The following RBFOX1 variants were observed in gnomAD, a reference collection of about 807,000 sequenced individuals.
The protein encoded by RBFOX1 is RNA binding fox-1 homolog 1.
RBFOX1 carries 8 observed loss-of-function variants against 57.7 expected under a neutral mutation model. The observed-to-expected ratio is 0.14, with a 90% CI of 0.08 to 0.25. RBFOX1 has a LOEUF of 0.25. Among genes scored for constraint, RBFOX1 ranks in the 10% least tolerant of loss-of-function variants. The pLI is 1.00. For missense variants in RBFOX1, 611 were observed against 548.5 expected (o/e 1.11, Z -1.14); for synonymous variants, 326 against 222.4 (o/e 1.47, Z -4.15).
chr16:6,010,963 T>G (rs760311868), intron 4 of RBFOX1, among the ~76,000 whole-genome samples: 5 of 152,202 alleles, frequency 3.3e-5, no homozygotes, highest in Non-Finnish European at 5.9e-5. Context: ...TTTACAGGTA[T>G]TTTACTTCTT....
chr16:6,869,803 C>G (rs137948295), intron 3 of RBFOX1, among the ~76,000 whole-genome samples: 53 of 152,190 alleles, frequency 3.5e-4, no homozygotes, highest in African/African-American at 1.2e-3. Flanking sequence ...TTACTTAATT[C>G]TGGTTGGTTT....
At chr16:7,703,741 C>G (rs551107769) in intron 14 of RBFOX1, among the ~76,000 whole-genome samples, 7 of 152,292 alleles carry the variant, frequency 4.6e-5, no homozygotes, top group African/African-American at 1.4e-4. Flanking sequence ...TATTCCCATT[C>G]AAGAGGCTGC....
chr16:6,156,021 G>T (rs140158051), intron 1 of RBFOX1, among the ~76,000 whole-genome samples: 1 of 152,246 alleles, frequency 6.6e-6, no homozygotes, highest in African/African-American at 2.4e-5. Flanking sequence ...TTATAAAGTA[G>T]GAGACTGGGG....
At chr16:7,085,760 C>G (rs929612276) in intron 4 of RBFOX1, among the ~76,000 whole-genome samples, 1 of 152,132 alleles carries the variant, frequency 6.6e-6, no homozygotes, top group Non-Finnish European at 1.5e-5. Flanking sequence ...TTTTTCTTCA[C>G]TGTAATGACA....
At chr16:6,581,678 G>T (rs528943229) in intron 2 of RBFOX1, among the ~76,000 whole-genome samples, 53 of 152,298 alleles carry the variant, frequency 3.5e-4, no homozygotes, top group Non-Finnish European at 6.6e-4. Context: ...TGCTAAGGGG[G>T]CCTCCCTCAT....
At chr16:7,075,990 C>A (rs1365941792) in intron 4 of RBFOX1, among the ~76,000 whole-genome samples, 1 of 151,998 alleles carries the variant, frequency 6.6e-6, no homozygotes, top group Non-Finnish European at 1.5e-5. Context: ...CTATTAGTCC[C>A]CTAAACTGAC....
At chr16:5,796,718 A>T (rs2054891591) in intron 3 of RBFOX1, among the ~76,000 whole-genome samples, 1 of 152,194 alleles carries the variant, frequency 6.6e-6, no homozygotes, top group African/African-American at 2.4e-5. Flanking sequence ...CAGAGAGGAC[A>T]AGTAATTTGC....
At position 7,636,346 on chromosome 16, in the gene RBFOX1, G is replaced by A. The variant is rs77178965; in HGVS notation, c.757+5663G>A. 6.5e-3 allele frequency among the ~76,000 whole-genome samples: 983 copies of A among 152,210 alleles called. 5 individuals are homozygous for A. The highest frequency in any genetic ancestry group is 0.013 in the African/African-American group (551 of 41,522). On this transcript the variant is annotated intron_variant, in intron 11 of 15. Transcript: ENST00000550418. ...TGCCTTTCTCCTATTAATGATCACC[G>A]TCTTTCACATTTTTCATTTAGACTT...
chr16:5,388,080 T>C (rs1306171560), intron 1 of RBFOX1, among the ~76,000 whole-genome samples: 1 of 152,238 alleles, frequency 6.6e-6, no homozygotes, highest in Non-Finnish European at 1.5e-5. Flanking sequence ...ACAACCCTCC[T>C]GACACCTTGA....
chr16:6,145,855 T>G (rs990726999), intron 1 of RBFOX1, among the ~76,000 whole-genome samples: 3 of 152,208 alleles, frequency 2.0e-5, no homozygotes, highest in African/African-American at 7.2e-5. Context: ...GTTGCTTTTC[T>G]TGTATGTGGC....
chr16:6,133,214 G>C (rs1344294927), intron 1 of RBFOX1, among the ~76,000 whole-genome samples: 1 of 152,094 alleles, frequency 6.6e-6, no homozygotes, highest in Admixed American at 6.5e-5. Context: ...GCTACATCTA[G>C]CATCTCCTGT....
chr16:5,955,903 A>C (rs2059629161), intron 4 of RBFOX1, among the ~76,000 whole-genome samples: 1 of 152,194 alleles, frequency 6.6e-6, no homozygotes, highest in Non-Finnish European at 1.5e-5. Context: ...CAAATAGCAA[A>C]CACTTAAAAA....
At chr16:5,418,178 A>C (rs1432280246) in intron 1 of RBFOX1, among the ~76,000 whole-genome samples, 1 of 152,252 alleles carries the variant, frequency 6.6e-6, no homozygotes. Flanking sequence ...TCTTATGCCC[A>C]TCTTTAAAAG....
At chr16:5,376,671 C>T (rs566557) in intron 1 of RBFOX1, among the ~76,000 whole-genome samples, 26,358 of 148,596 alleles carry the variant, frequency 0.18, 2,890 homozygotes, top group African/African-American at 0.28. Context: ...GCACATGCTG[C>T]GGGTACCATT....
At position 5,356,016 on chromosome 16, in the gene RBFOX1, G is replaced by C. The variant is rs1331181396; in HGVS notation, c.220-111200G>C. ...TGTGACATGAGAATTGCTTTAACCC[G>C]GGAGGCGGAGGTTGCAGTGAGCCAA... is the stretch of plus-strand genomic sequence containing the variant. On this transcript the variant is annotated intron_variant, in intron 1 of 2. Transcript: ENST00000585867. Among the ~76,000 whole-genome samples, 3 of 152,156 alleles carry C rather than the reference G, an allele frequency of 2.0e-5. 1 individual carries two copies. In the South Asian group the frequency reaches 6.2e-4, roughly 32 times the overall value.
intron 1 of RBFOX1, among the ~76,000 whole-genome samples, chr16:6,084,629 A>AG (rs397856062): frequency 6.6e-6 from 1 of 152,126 alleles, no homozygotes. Flanking sequence ...AGAAAAAAAA[A>AG]CAGTGACATG....
At chr16:6,807,001 T>C (rs1415138548) in intron 3 of RBFOX1, among the ~76,000 whole-genome samples, 1 of 151,260 alleles carries the variant, frequency 6.6e-6, no homozygotes, top group African/African-American at 2.4e-5. Flanking sequence ...GTCCAGCTGA[T>C]TTTTGTATTT....
chr16:5,393,230 C>T (rs1375313891), intron 1 of RBFOX1, among the ~76,000 whole-genome samples: 5 of 152,206 alleles, frequency 3.3e-5, no homozygotes, highest in African/African-American at 7.2e-5. Context: ...CACTGTACCC[C>T]AGCACTGGAC....
intron 3 of RBFOX1, among the ~76,000 whole-genome samples, chr16:6,962,393 T>A (rs1479185437): frequency 3.3e-5 from 5 of 152,168 alleles, no homozygotes; most frequent in Non-Finnish European, 7.3e-5. Flanking sequence ...ACTTATCTTT[T>A]TAGGAGATAA....
Sources: allele counts gnomAD v4.1 joint callset (sites outside exome capture counted in the v4.1 genomes callset), GRCh38; gene constraint gnomAD v4.1.1; transcripts MANE v1.5; gene names NCBI Gene and HGNC (gene_info 2026-07-23, HGNC 2026-07-21).